Variants in AGMO observed in about 807,000 individuals in gnomAD.
AGMO encodes the protein glyceryl-ether monooxygenase.
In AGMO, 75 loss-of-function variants were observed where a neutral mutation model predicts 60.2. The observed-to-expected ratio is 1.25, with a 90% CI of 1.03 to 1.51. The LOEUF is 1.51. Among genes scored for constraint, AGMO ranks in the 40% most tolerant of loss-of-function variants. The probability of loss-of-function intolerance (pLI) is 0.00; values close to 1 mark genes in which losing one functional copy is unlikely to be tolerated. For missense variants in AGMO, 763 were observed against 525.5 expected (o/e 1.45, Z -4.42); for synonymous variants, 261 against 177.1 (o/e 1.47, Z -3.76).
At chr7:15,149,102 C>A in the AGMO span, among the ~76,000 whole-genome samples, 2 of 152,020 alleles carry the variant, frequency 1.3e-5, no homozygotes, top group Non-Finnish European at 2.9e-5. Flanking sequence ...TATGCATTTT[C>A]CATGTATATG....
At chr7:15,349,068 G>T (rs550544008) in intron 12 of AGMO, among the ~76,000 whole-genome samples, 5 of 152,206 alleles carry the variant, frequency 3.3e-5, no homozygotes, top group African/African-American at 1.2e-4. Context: ...CACTTTATGA[G>T]TACAACATGG....
At chr7:15,506,655 A>C (rs1783519357) in intron 3 of AGMO, among the ~76,000 whole-genome samples, 1 of 152,092 alleles carries the variant, frequency 6.6e-6, no homozygotes, top group Non-Finnish European at 1.5e-5. Context: ...ATTGTACCTG[A>C]AATAGTCTTC....
At chr7:15,212,051 T>C (rs1218239961) in intron 12 of AGMO, among the ~76,000 whole-genome samples, 1 of 151,948 alleles carries the variant, frequency 6.6e-6, no homozygotes, top group Non-Finnish European at 1.5e-5. Context: ...AGAATTATTG[T>C]TCCATATCTT....
At chr7:15,520,078 A>G (rs1326075939) in intron 3 of AGMO, among the ~76,000 whole-genome samples, 1 of 152,158 alleles carries the variant, frequency 6.6e-6, no homozygotes. Flanking sequence ...TTTTACACCA[A>G]CAAAGATCAA....
At chr7:15,275,510 T>C (rs1346502078) in intron 12 of AGMO, among the ~76,000 whole-genome samples, 1 of 152,098 alleles carries the variant, frequency 6.6e-6, no homozygotes, top group Non-Finnish European at 1.5e-5. Context: ...TGAAAAAAAA[T>C]GTATATTCTG....
chr7:15,313,040 T>C (rs898399763), intron 12 of AGMO, among the ~76,000 whole-genome samples: 1 of 152,080 alleles, frequency 6.6e-6, no homozygotes, highest in African/African-American at 2.4e-5. Flanking sequence ...TAATAAAGAA[T>C]GCAGAGAAAG....
At chr7:15,431,839 A>T (rs1781249733) in intron 3 of AGMO, among the ~76,000 whole-genome samples, 1 of 151,830 alleles carries the variant, frequency 6.6e-6, no homozygotes, top group Admixed American at 6.6e-5. Context: ...ACTGTCTTGG[A>T]ATTCATACAG....
intron 12 of AGMO, among the ~76,000 whole-genome samples, chr7:15,265,944 C>G (rs1783419523): frequency 6.6e-6 from 1 of 152,070 alleles, no homozygotes; most frequent in East Asian, 1.9e-4. Context: ...GAATATTATT[C>G]AGCTTTAAAA....
intron 12 of AGMO, among the ~76,000 whole-genome samples, chr7:15,262,663 C>T (rs756619814): frequency 2.6e-5 from 4 of 151,900 alleles, no homozygotes; most frequent in Non-Finnish European, 4.4e-5. Flanking sequence ...AAAAGCAAGA[C>T]TAAGCAAAAA....
chr7:15,132,801 G>T, the AGMO span, among the ~76,000 whole-genome samples: 1 of 152,154 alleles, frequency 6.6e-6, no homozygotes, highest in Non-Finnish European at 1.5e-5. Context: ...TGAAGTCAAG[G>T]AAGGTTTTTC....
At chr7:15,541,490 T>G (rs902266035) in intron 3 of AGMO, among the ~76,000 whole-genome samples, 10 of 152,210 alleles carry the variant, frequency 6.6e-5, no homozygotes, top group African/African-American at 1.9e-4. Context: ...CTATTTATCC[T>G]TCTATATATT....
intron 2 of AGMO, among the ~76,000 whole-genome samples, chr7:15,548,004 G>C (rs28796902): frequency 0.21 from 31,116 of 147,808 alleles, 3,581 homozygotes; most frequent in South Asian, 0.38. Context: ...GTGGGTCCCT[G>C]ACCCCTGACA....
intron 10 of AGMO, among the ~76,000 whole-genome samples, chr7:15,381,833 A>T (rs1389137146): frequency 6.6e-6 from 1 of 152,214 alleles, no homozygotes; most frequent in African/African-American, 2.4e-5. Flanking sequence ...ATGGAATACT[A>T]TGCAGCCACC....
chr7:15,507,875 A>G (rs1192025609), intron 3 of AGMO, among the ~76,000 whole-genome samples: 2 of 152,030 alleles, frequency 1.3e-5, no homozygotes, highest in Non-Finnish European at 2.9e-5. Context: ...TTTGCTTCAC[A>G]CTAATTTTGT....
chr7:15,404,420 T>C (rs1043508836), intron 5 of AGMO, among the ~76,000 whole-genome samples: 1 of 151,878 alleles, frequency 6.6e-6, no homozygotes, highest in African/African-American at 2.4e-5. Flanking sequence ...CACAAGTAAC[T>C]GTTAAGCATG....
chr7:15,175,812 T>C, the AGMO span, among the ~76,000 whole-genome samples: 7 of 152,032 alleles, frequency 4.6e-5, no homozygotes, highest in African/African-American at 1.7e-4. Context: ...CATCAACAAA[T>C]ATGGAATTCA....
rs189756344 is a variant in AGMO at position 15,410,464 on chromosome 7, T to C, written c.609+8094A>G. On this transcript the variant is annotated intron_variant, in intron 5 of 12. Transcript: ENST00000342526. The stretch of plus-strand genomic sequence containing the variant: ...TTTATAGTTAAGAATGCAATTTTTT[T>C]CCCTAAAGTAAGTTGGGGATTCATT... Among the ~76,000 whole-genome samples, 1,215 of 151,960 alleles carry C rather than the reference T, an allele frequency of 8.0e-3. 17 individuals are homozygous for C. The highest frequency in any genetic ancestry group is 0.027 in the African/African-American group (1,141 of 41,508).
intron 12 of AGMO, among the ~76,000 whole-genome samples, chr7:15,301,929 T>G (rs1178119275): frequency 6.6e-6 from 1 of 152,104 alleles, no homozygotes; most frequent in African/African-American, 2.4e-5. Flanking sequence ...CTGCCTGAAG[T>G]TACTTCTGGT....
In AGMO at chr7:15,363,537, A is replaced by C. The variant is rs77233171; in HGVS notation, c.1263+1977T>G. ...ATTGCCAAAGAACACATAGCTACTT[A>C]GTTCTTAAGCCAAGAATCAAATTCA... On this transcript the variant is annotated intron_variant, in intron 12 of 12. Coordinates refer to ENST00000342526, the MANE Select transcript of AGMO (RefSeq NM_001004320.2). Among the ~76,000 whole-genome samples, 4 of 152,312 alleles carry C rather than the reference A, an allele frequency of 2.6e-5. No individual in the cohort carries two copies. The East Asian group carries it at 7.7e-4, about 29-fold the overall frequency.
Sources: gnomAD v4.1 joint callset for allele counts (sites outside exome capture counted in the v4.1 genomes callset) on GRCh38, gnomAD v4.1.1 for gene constraint, MANE v1.5 for transcripts, NCBI Gene and HGNC (gene_info 2026-07-23, HGNC 2026-07-21) for gene names.